Variants in AFF2 observed in about 807,000 individuals in gnomAD.
AFF2 encodes the protein AF4/FMR2 family member 2.
A neutral mutation model predicts 76.9 loss-of-function variants in AFF2; 14 were observed. The ratio of observed to expected loss-of-function variants is 0.18; its 90% confidence interval spans 0.12 to 0.28. The LOEUF (loss-of-function observed/expected upper bound fraction) is 0.28. Ranked by LOEUF, AFF2 falls within the 10% of genes least tolerant of loss-of-function variation. The pLI is 1.00. For missense variants in AFF2, 868 were observed against 1,001.1 expected (o/e 0.87, Z 1.79); for synonymous variants, 398 against 366.7 (o/e 1.09, Z -0.98).
chrX:148,629,279 G>A (rs1304519328), intron 1 of AFF2, among the ~76,000 whole-genome samples: 4 of 111,486 alleles, frequency 3.6e-5, no homozygotes, highest in African/African-American at 1.3e-4. Context: ...CTAATATTGA[G>A]AATGGAACAG....
chrX:148,758,636 C>CTT (rs1295777597), intron 3 of AFF2, among the ~76,000 whole-genome samples: 1 of 111,752 alleles, frequency 8.9e-6, no homozygotes, highest in East Asian at 2.8e-4. Context: ...ATTTTTAAAA[C>CTT]TTGAAGGAAG....
At chrX:148,644,631 T>C (rs1224761342) in intron 1 of AFF2, among the ~76,000 whole-genome samples, 1 of 112,295 alleles carries the variant, frequency 8.9e-6, no homozygotes, top group African/African-American at 3.2e-5. Context: ...TCCCAACATA[T>C]ACCAGCAATG....
chrX:148,517,868 A>AG (rs1482275643), intron 1 of AFF2, among the ~76,000 whole-genome samples: 1 of 108,240 alleles, frequency 9.2e-6, no homozygotes, highest in East Asian at 2.9e-4. Context: ...ATACAAAAAA[A>AG]AAAAATGAGC....
intron 4 of AFF2, chrX:148,822,306 C>T (rs1231717335): frequency 4.5e-5 from 5 of 111,106 alleles, no homozygotes; most frequent in African/African-American, 1.6e-4. Context: ...TGCTCCTATA[C>T]CTTTGACCTA....
chrX:148,625,685 C>T (rs2053918732), intron 1 of AFF2, among the ~76,000 whole-genome samples: 1 of 111,838 alleles, frequency 8.9e-6, no homozygotes, highest in African/African-American at 3.2e-5. Context: ...TTTCCTCCAT[C>T]AGAAAAATGT....
At chrX:148,726,945 C>G (rs2055165039) in intron 3 of AFF2, among the ~76,000 whole-genome samples, 1 of 111,843 alleles carries the variant, frequency 8.9e-6, no homozygotes, top group Non-Finnish European at 1.9e-5. Context: ...TACAGATTAA[C>G]AGAGCCCCCA....
chrX:148,560,782 G>A (rs189454111), intron 1 of AFF2, among the ~76,000 whole-genome samples: 10 of 111,918 alleles, frequency 8.9e-5, no homozygotes, highest in Admixed American at 4.7e-4. Context: ...AAGACATTTC[G>A]ATTTTTAACA....
At chrX:148,929,976 G>C (rs1164278478) in intron 9 of AFF2, among the ~76,000 whole-genome samples, 4 of 111,783 alleles carry the variant, frequency 3.6e-5, no homozygotes, top group African/African-American at 1.3e-4. Flanking sequence ...CTGGAGATGA[G>C]ACAGACCTGA....
chrX:148,876,128 T>C (rs1440032408), intron 7 of AFF2, among the ~76,000 whole-genome samples: 2 of 112,144 alleles, frequency 1.8e-5, no homozygotes, highest in Non-Finnish European at 3.8e-5. Context: ...ATCTGATGTG[T>C]CAGGATAATT....
chrX:148,709,236 AATC>A (rs2054928183), intron 3 of AFF2, among the ~76,000 whole-genome samples: 1 of 111,859 alleles, frequency 8.9e-6, no homozygotes, highest in East Asian at 2.8e-4. Context: ...TTTTTAGGCT[AATC>A]AAATTTTGGA....
intron 4 of AFF2, among the ~76,000 whole-genome samples, chrX:148,828,030 G>GAAA (rs141724783): frequency 9.5e-6 from 1 of 104,775 alleles, no homozygotes. Flanking sequence ...ACTGTGAAAG[G>GAAA]AAAAAAAAAA....
At chrX:148,615,264 C>T (rs560316560) in intron 1 of AFF2, among the ~76,000 whole-genome samples, 8 of 111,812 alleles carry the variant, frequency 7.2e-5, no homozygotes, top group African/African-American at 2.6e-4. Context: ...ACTGAGAAGC[C>T]AAGGGCTTAC....
chrX:148,857,601 C>G (rs1557276028), intron 7 of AFF2, among the ~76,000 whole-genome samples: 1 of 111,416 alleles, frequency 9.0e-6, no homozygotes, highest in Admixed American at 9.6e-5. Context: ...ATTATAAAAG[C>G]CTGAAACTGC....
At chrX:148,856,492 G>A (rs1198140783) in intron 7 of AFF2, among the ~76,000 whole-genome samples, 1 of 110,963 alleles carries the variant, frequency 9.0e-6, no homozygotes, top group African/African-American at 3.3e-5. Flanking sequence ...CTTAACCCTG[G>A]CCCTCCTGCC....
Position 148,888,077 on chromosome X carries a change from T to G in AFF2, c.1359+2092T>G, listed in dbSNP as rs1294777521. Among the ~76,000 whole-genome samples the G allele has an allele frequency of 1.2e-4, 13 of 112,141 alleles. No homozygotes were observed. In the Admixed American group the frequency reaches 1.2e-3, roughly 11 times the overall value. On this transcript the variant is annotated intron_variant, in intron 8 of 20. Transcript: ENST00000370460. Reference sequence around the variant, plus strand: ...CATAAAATTAACCATTTTAAAGTGTTCAATTCTGTGACACTTAATACAATC... The same window carrying G: ...CATAAAATTAACCATTTTAAAGTGTGCAATTCTGTGACACTTAATACAATC...
chrX:148,599,509 G>A (rs186460975), intron 1 of AFF2, among the ~76,000 whole-genome samples: 18 of 110,770 alleles, frequency 1.6e-4, no homozygotes, highest in African/African-American at 5.3e-4. Context: ...TGTGGTCAGC[G>A]TTATGAATGA....
chrX:148,744,532 T>A (rs2055398827), intron 3 of AFF2, among the ~76,000 whole-genome samples: 1 of 111,429 alleles, frequency 9.0e-6, no homozygotes, highest in Non-Finnish European at 1.9e-5. Flanking sequence ...CGCCTTGTTT[T>A]CCTCCTTGTA....
Position 148,987,374 on chromosome X carries a change from C to T in AFF2, c.3631C>T (p.Pro1211Ser), listed in dbSNP as rs868970305. 1.9e-5 allele frequency: 23 copies of T among 1,207,873 alleles called. No individual in the cohort carries two copies. Among genetic ancestry groups the T allele is most frequent in the Non-Finnish European group, 2.6e-5 (23 of 893,143 alleles). Residue 1211 changes from proline (P) to serine (S), a missense_variant, in exon 20 of 21, where the codon CCA becomes TCA. Transcript: ENST00000370460. ...SPWVSNGKNT[P>S]SPVSLNNVSP... Reference sequence around the variant, plus strand: ...TCTCTTTCCATTTCCCAGGAACACTCCATCCCCAGTGTCTCTCAACAACGT... The same window carrying T: ...TCTCTTTCCATTTCCCAGGAACACTTCATCCCCAGTGTCTCTCAACAACGT...
intron 1 of AFF2, among the ~76,000 whole-genome samples, chrX:148,630,025 G>T (rs1364164607): frequency 9.0e-6 from 1 of 111,689 alleles, no homozygotes; most frequent in Non-Finnish European, 1.9e-5. Flanking sequence ...ACAGAACAGC[G>T]TTGTGAGCCC....
Sources: gnomAD v4.1 joint callset for allele counts (sites outside exome capture counted in the v4.1 genomes callset) on GRCh38, gnomAD v4.1.1 for gene constraint, MANE v1.5 for transcripts, NCBI Gene and HGNC (gene_info 2026-07-23, HGNC 2026-07-21) for gene names.